Variants in TRAF3 observed in about 807,000 individuals in gnomAD.
TRAF3 encodes TNF receptor associated factor 3.
In TRAF3, 13 loss-of-function variants were observed where a neutral mutation model predicts 62.3. The observed-to-expected ratio is 0.21, with a 90% CI of 0.14 to 0.33. The LOEUF (loss-of-function observed/expected upper bound fraction) is 0.33, where lower values mean the gene tolerates loss of function less well. TRAF3 is among the 10% of genes least tolerant of loss of function. The pLI, the probability that TRAF3 is intolerant of heterozygous loss-of-function variation, is 1.00. For synonymous variants in TRAF3, 269 were observed against 283.4 expected, an observed-to-expected ratio of 0.95 and a Z score of 0.51; for missense variants, 440 against 741.8, an observed-to-expected ratio of 0.59 and a Z score of 4.73.
At chr14:102,878,393 GGTGA>G (rs1466974526) in intron 6 of TRAF3, among the ~76,000 whole-genome samples, 24 of 142,670 alleles carry the variant, frequency 1.7e-4, no homozygotes, top group African/African-American at 5.7e-4. Context: ...TGTGAATGTG[GGTGA>G]GTGTGTGGGG....
At chr14:102,899,642 G>A (rs1329807574) in intron 10 of TRAF3, among the ~76,000 whole-genome samples, 1 of 152,154 alleles carries the variant, frequency 6.6e-6, no homozygotes, top group Non-Finnish European at 1.5e-5. Flanking sequence ...GACCAGCTAG[G>A]TGATGAGGGC....
intron 1 of TRAF3, among the ~76,000 whole-genome samples, chr14:102,817,132 C>G (rs1387309934): frequency 6.6e-6 from 1 of 152,052 alleles, no homozygotes; most frequent in South Asian, 2.1e-4. Context: ...TTTTGATGCT[C>G]AAGTGGAGAT....
At chr14:102,871,695 C>G (rs1048903817) in intron 3 of TRAF3, among the ~76,000 whole-genome samples, 7 of 152,246 alleles carry the variant, frequency 4.6e-5, no homozygotes, top group African/African-American at 1.4e-4. Flanking sequence ...CTAAACTGTT[C>G]TACTTGGTAA....
At chr14:102,885,918 AC>A (rs2139914897) in intron 6 of TRAF3, among the ~76,000 whole-genome samples, 1 of 152,032 alleles carries the variant, frequency 6.6e-6, no homozygotes, top group Non-Finnish European at 1.5e-5. Flanking sequence ...CTAAGGGGAA[AC>A]CCTTGTGGCG....
At chr14:102,835,440 A>G (rs1388770010) in intron 2 of TRAF3, among the ~76,000 whole-genome samples, 1 of 152,216 alleles carries the variant, frequency 6.6e-6, no homozygotes, top group African/African-American at 2.4e-5. Context: ...CCATAAAGAT[A>G]TGTACACATG....
intron 2 of TRAF3, among the ~76,000 whole-genome samples, chr14:102,843,908 A>G (rs992446439): frequency 9.2e-5 from 14 of 152,282 alleles, no homozygotes; most frequent in African/African-American, 1.4e-4. Flanking sequence ...GAAAAAGGTG[A>G]AAACACTATG....
intron 1 of TRAF3, among the ~76,000 whole-genome samples, chr14:102,789,333 G>A (rs1410969934): frequency 1.3e-5 from 2 of 152,148 alleles, no homozygotes; most frequent in Non-Finnish European, 2.9e-5. Flanking sequence ...TTGTGTACAA[G>A]TTTCTGTGTA....
At chr14:102,870,097 AGGTCTCAG>A in intron 2 of TRAF3, 80 bp from the exon 3 acceptor site, 1 of 1,529,216 alleles carries the variant, frequency 6.5e-7, no homozygotes, top group Non-Finnish European at 9.1e-7. Flanking sequence ...GAAAGACAGC[AGGTCTCAG>A]GCACTTTTGC....
At chr14:102,833,307 G>A (rs1885765945) in intron 2 of TRAF3, among the ~76,000 whole-genome samples, 1 of 152,162 alleles carries the variant, frequency 6.6e-6, no homozygotes, top group Non-Finnish European at 1.5e-5. Context: ...GACTTTTTCA[G>A]ATGTTTTCAA....
chr14:102,823,214 T>C (rs1184520229), intron 1 of TRAF3, among the ~76,000 whole-genome samples: 1 of 152,202 alleles, frequency 6.6e-6, no homozygotes, highest in African/African-American at 2.4e-5. Flanking sequence ...TAGTTGTTTA[T>C]TTTATGCATA....
At chr14:102,885,512 A>G (rs1889327166) in intron 6 of TRAF3, among the ~76,000 whole-genome samples, 1 of 152,320 alleles carries the variant, frequency 6.6e-6, no homozygotes, top group East Asian at 1.9e-4. Context: ...GCTCATGGAC[A>G]GGCACCCAGC....
rs1057419700 is a variant in TRAF3 at position 102,827,707 on chromosome 14, T to C, written c.-156-2627T>C. Among the ~76,000 whole-genome samples, 21 of 152,244 alleles carry C rather than the reference T, an allele frequency of 1.4e-4. 1 individual carries two copies. Among genetic ancestry groups the C allele is most frequent in the African/African-American group, 4.8e-4 (20 of 41,460 alleles). The stretch of plus-strand genomic sequence containing the variant: ...AGTGCTCACTAAACTTAGTATTGCA[T>C]GAATGAATGAAAACCAAAGGTCATT... On this transcript the variant is annotated intron_variant, in intron 1 of 11. Transcript: ENST00000392745.
At chr14:102,849,932 T>A (rs749740557) in intron 2 of TRAF3, among the ~76,000 whole-genome samples, 3 of 152,234 alleles carry the variant, frequency 2.0e-5, no homozygotes, top group African/African-American at 7.2e-5. Flanking sequence ...CTTTTCTCCA[T>A]GTGTGTCGTG....
rs1387336059 is a variant in TRAF3, at chr14:102,905,193, AC to A, written c.1136-17del. On this transcript the variant is annotated intron_variant, in intron 11 of 11. Coordinates refer to ENST00000392745, the MANE Select transcript of TRAF3 (RefSeq NM_145725.3). ...GACGTTCACCTGTCTCATTCACCAA[AC>A]CCTCCTCACCTGTGGCAGGCCTGCT... The A allele has an allele frequency of 1.4e-5, 22 of 1,611,230 alleles. 1 individual carries two copies. The Admixed American group carries it at 2.8e-4, about 21-fold the overall frequency.
intron 2 of TRAF3, among the ~76,000 whole-genome samples, chr14:102,832,734 C>T (rs1322281034): frequency 1.3e-5 from 2 of 152,116 alleles, no homozygotes; most frequent in Non-Finnish European, 2.9e-5. Flanking sequence ...CTCTCTTATA[C>T]ACACACAAAC....
chr14:102,897,483 T>G lies in TRAF3; in HGVS notation c.960+82T>G, dbSNP rs1274040442. 2.6e-6 allele frequency: 4 copies of G among 1,557,780 alleles called. No individual in the cohort carries two copies. In the East Asian group the frequency reaches 6.9e-5, roughly 27 times the overall value. On this transcript the variant is annotated intron_variant, in intron 10 of 11. Transcript: ENST00000392745. Reference sequence around the variant, plus strand: ...CCTTAAGGGTTTCTTAGCAAACTCTTTGAGCTGAGTCCTTGACCTTTGCAA... The same window carrying G: ...CCTTAAGGGTTTCTTAGCAAACTCTGTGAGCTGAGTCCTTGACCTTTGCAA...
intron 2 of TRAF3, among the ~76,000 whole-genome samples, chr14:102,849,143 C>A (rs948346734): frequency 6.6e-6 from 1 of 152,168 alleles, no homozygotes; most frequent in South Asian, 2.1e-4. Context: ...AACAATTGAT[C>A]GAAACATTAT....
At chr14:102,864,305 C>T (rs911942006) in intron 2 of TRAF3, among the ~76,000 whole-genome samples, 6 of 152,100 alleles carry the variant, frequency 3.9e-5, no homozygotes, top group Admixed American at 1.3e-4. Context: ...CCCGCCACCA[C>T]GCCCGGCTAA....
chr14:102,792,016 C>T lies in TRAF3; in HGVS notation c.-157+14341C>T, dbSNP rs528665592. 9.3e-5 allele frequency among the ~76,000 whole-genome samples: 14 copies of T among 150,666 alleles called. No individual in the cohort carries two copies. The East Asian group carries it at 9.8e-4, about 11-fold the overall frequency. Reference sequence around the variant, plus strand: ...TTTTATTTTTGGTAGAGATGGGTTTCGCCATGTTGCCCAGGCTAGTCCCAA... The same window carrying T: ...TTTTATTTTTGGTAGAGATGGGTTTTGCCATGTTGCCCAGGCTAGTCCCAA... On this transcript the variant is annotated intron_variant, in intron 1 of 11. Coordinates refer to ENST00000392745, the MANE Select transcript of TRAF3 (RefSeq NM_145725.3).
Sources: gnomAD v4.1 joint callset for allele counts (sites outside exome capture counted in the v4.1 genomes callset) on GRCh38, gnomAD v4.1.1 for gene constraint, MANE v1.5 for transcripts, NCBI Gene and HGNC (gene_info 2026-07-23, HGNC 2026-07-21) for gene names.